GSE1: variants seen among roughly 807,000 people sequenced by gnomAD.
The protein encoded by GSE1 is genetic suppressor element 1.
In GSE1, 32 loss-of-function variants were observed where a neutral mutation model predicts 112.6. That is an observed-to-expected ratio of 0.28 (90% confidence interval 0.21 to 0.38). The LOEUF is 0.38. Among genes scored for constraint, GSE1 ranks in the 10% least tolerant of loss-of-function variants. The pLI, the probability that GSE1 is intolerant of heterozygous loss-of-function variation, is 1.00. For synonymous variants in GSE1, 1,115 were observed against 735.6 expected (o/e 1.52, Z -8.35); for missense variants, 2,348 against 1,699.2 (o/e 1.38, Z -6.71).
intron 2 of GSE1, among the ~76,000 whole-genome samples, chr16:85,474,290 A>G (rs375271248): frequency 1.6e-4 from 24 of 152,034 alleles, no homozygotes; most frequent in East Asian, 9.7e-4. Flanking sequence ...CCGTGCTCCA[A>G]TGGGCTTCTG....
chr16:85,659,124 T>C (rs555619491), intron 8 of GSE1, among the ~76,000 whole-genome samples: 2 of 152,224 alleles, frequency 1.3e-5, no homozygotes, highest in Non-Finnish European at 2.9e-5. Context: ...CTTCCTGTGG[T>C]TCCCTGTTGT....
intron 1 of GSE1, among the ~76,000 whole-genome samples, chr16:85,356,633 C>T (rs543952259): frequency 6.6e-6 from 1 of 152,326 alleles, no homozygotes; most frequent in African/African-American, 2.4e-5. Context: ...ACAATCACAG[C>T]CTTCCTGTGT....
chr16:85,452,099 A>G (rs2049701600), intron 2 of GSE1, among the ~76,000 whole-genome samples: 1 of 152,084 alleles, frequency 6.6e-6, no homozygotes, highest in Non-Finnish European at 1.5e-5. Flanking sequence ...CCCGCCAGAG[A>G]GACCCGTGTC....
intron 2 of GSE1, among the ~76,000 whole-genome samples, chr16:85,468,879 C>T: frequency 6.6e-6 from 1 of 152,214 alleles, no homozygotes; most frequent in East Asian, 1.9e-4. Context: ...TACCAGGAAC[C>T]TCAGAATGTG....
In GSE1 at chr16:85,461,706, G is replaced by A. The variant is rs564959859; in HGVS notation, c.2464+104063G>A. On this transcript the variant is annotated intron_variant, in intron 2 of 2. Coordinates refer to the GSE1 transcript ENST00000637419. The stretch of plus-strand genomic sequence containing the variant: ...TCTCAGGCTGCAGTCGGTGGGCTGG[G>A]ATAGCCATAATCCCCGTGCTGCGTG... Among the ~76,000 whole-genome samples the A allele has an allele frequency of 9.9e-5, 15 of 152,278 alleles. No homozygotes were observed. The East Asian group carries it at 2.9e-3, about 29-fold the overall frequency.
intron 2 of GSE1, among the ~76,000 whole-genome samples, chr16:85,475,936 C>T (rs958397969): frequency 2.0e-5 from 3 of 151,812 alleles, no homozygotes; most frequent in East Asian, 1.9e-4. Flanking sequence ...TCTTTATTAT[C>T]GTTGTTATTA....
chr16:85,666,390 G>C (rs774160636), intron 13 of GSE1, 43 bp downstream of exon 13: 1 of 1,608,580 alleles, frequency 6.2e-7, no homozygotes, highest in African/African-American at 1.3e-5. Context: ...GGCTGTGGTT[G>C]AGGCTGACCA....
At chr16:85,205,274 G>T (rs1039024715) in intron 1 of GSE1, among the ~76,000 whole-genome samples, 1 of 152,134 alleles carries the variant, frequency 6.6e-6, no homozygotes, top group Non-Finnish European at 1.5e-5. Context: ...TGGAATTACA[G>T]GTGCCCACCA....
At chr16:85,294,714 C>T (rs1363985726) in intron 1 of GSE1, among the ~76,000 whole-genome samples, 1 of 135,832 alleles carries the variant, frequency 7.4e-6, no homozygotes, top group East Asian at 2.5e-4. Flanking sequence ...AAACCCTAGT[C>T]TCTCCATGAT....
chr16:85,275,502 C>G (rs549873742), intron 1 of GSE1, among the ~76,000 whole-genome samples: 1 of 152,220 alleles, frequency 6.6e-6, no homozygotes, highest in Non-Finnish European at 1.5e-5. Context: ...AGACCTGTCT[C>G]ACTCGACAAG....
At chr16:85,325,515 G>A (rs764734633) in intron 1 of GSE1, among the ~76,000 whole-genome samples, 5 of 151,922 alleles carry the variant, frequency 3.3e-5, no homozygotes, top group Non-Finnish European at 4.4e-5. Flanking sequence ...GCAGTGACAC[G>A]ATCTCAGCTC....
chr16:85,421,602 G>A (rs548190856), intron 2 of GSE1, among the ~76,000 whole-genome samples: 1 of 152,328 alleles, frequency 6.6e-6, no homozygotes, highest in South Asian at 2.1e-4. Context: ...GGTTTTCGGG[G>A]CTGCTGGCAG....
At chr16:85,208,058 G>A (rs1010829426) in intron 1 of GSE1, among the ~76,000 whole-genome samples, 2 of 152,110 alleles carry the variant, frequency 1.3e-5, no homozygotes, top group African/African-American at 2.4e-5. Context: ...CCATGGGGAT[G>A]TACCCCACAG....
intron 11 of GSE1, 102 bp from the exon 12 acceptor site, chr16:85,664,913 T>C: frequency 1.3e-6 from 1 of 777,354 alleles, no homozygotes; most frequent in Non-Finnish European, 2.2e-6. Context: ...TTTCGGGCTT[T>C]AGTGCTTTGC....
chr16:85,195,358 A>AGAGGAAATCAG (rs1467264381), intron 1 of GSE1, among the ~76,000 whole-genome samples: 25 of 152,244 alleles, frequency 1.6e-4, no homozygotes, highest in African/African-American at 6.0e-4. Context: ...ATCAGCAAGA[A>AGAGGAAATCAG]CCACGTTGGA....
intron 1 of GSE1, among the ~76,000 whole-genome samples, chr16:85,235,904 G>A (rs1399518844): frequency 6.6e-6 from 1 of 151,946 alleles, no homozygotes; most frequent in African/African-American, 2.4e-5. Flanking sequence ...CGCGCTGGCC[G>A]GGCGCTACCT....
chr16:85,413,671 G>A (rs975868519), intron 2 of GSE1, among the ~76,000 whole-genome samples: 11 of 152,094 alleles, frequency 7.2e-5, no homozygotes, highest in Admixed American at 7.2e-4. Context: ...CCCCCAAACA[G>A]CAATTCAAAA....
intron 1 of GSE1, among the ~76,000 whole-genome samples, chr16:85,270,910 A>G (rs1231999440): frequency 6.6e-6 from 1 of 152,212 alleles, no homozygotes; most frequent in Non-Finnish European, 1.5e-5. Context: ...GTGCAGGCAC[A>G]CAGACCTGGC....
exon 1 of GSE1, chr16:85,555,988 A>G (rs1567584912): frequency 1.0e-5 from 10 of 984,580 alleles, no homozygotes; most frequent in Non-Finnish European, 1.2e-5. Context: ...TCCAAAAGGC[A>G]GAAAATACAC....
Sources: gnomAD v4.1 joint callset for allele counts (sites outside exome capture counted in the v4.1 genomes callset) on GRCh38, gnomAD v4.1.1 for gene constraint, MANE v1.5 for transcripts, NCBI Gene and HGNC (gene_info 2026-07-23, HGNC 2026-07-21) for gene names.